Variants in SYT13 observed in about 807,000 individuals in gnomAD.
SYT13 encodes synaptotagmin-13.
Under a neutral mutation model 38.6 loss-of-function variants are expected in SYT13, and 21 were observed. The ratio of observed to expected loss-of-function variants is 0.54; its 90% CI spans 0.39 to 0.78. The LOEUF (loss-of-function observed/expected upper bound fraction) is 0.78, where lower values mean the gene tolerates loss of function less well. SYT13 is among the 30% of genes least tolerant of loss of function. The pLI is 0.00. For synonymous variants in SYT13, 241 were observed against 237.6 expected, an observed-to-expected ratio of 1.01 and a Z score of -0.13; for missense variants, 495 against 548.7, an observed-to-expected ratio of 0.90 and a Z score of 0.98.
chr11:45,257,131 C>T (rs764049149), intron 1 of SYT13, among the ~76,000 whole-genome samples: 1 of 152,154 alleles, frequency 6.6e-6, no homozygotes, highest in Non-Finnish European at 1.5e-5. Context: ...TCGCTTGGAA[C>T]GAAAGGGAAT....
intron 1 of SYT13, among the ~76,000 whole-genome samples, chr11:45,271,494 T>A (rs1762309324): frequency 6.6e-6 from 1 of 151,890 alleles, no homozygotes; most frequent in Admixed American, 6.6e-5. Context: ...TAGGACATGG[T>A]GAGTCAGCTG....
chr11:45,250,783 C>T lies in SYT13; in HGVS notation c.846+1638G>A, dbSNP rs566102103. 4.6e-5 allele frequency among the ~76,000 whole-genome samples: 7 copies of T among 152,184 alleles called. No individual in the cohort carries two copies. In the South Asian group the frequency reaches 1.2e-3, roughly 27 times the overall value. ...TCATAGCAAAAAGAGGAGCAGACAG[C>T]GGGTGAAACGTACTCTTCCCTCCTG... On this transcript the variant is annotated intron_variant, in intron 4 of 5. Coordinates refer to ENST00000020926, the MANE Select transcript of SYT13 (RefSeq NM_020826.3).
At chr11:45,276,521 T>C (rs941404136) in intron 1 of SYT13, among the ~76,000 whole-genome samples, 2 of 152,084 alleles carry the variant, frequency 1.3e-5, no homozygotes, top group Admixed American at 6.5e-5. Flanking sequence ...TCATGGCACA[T>C]GTATATCTAT....
At chr11:45,263,224 C>T (rs1242875902) in intron 1 of SYT13, among the ~76,000 whole-genome samples, 1 of 152,220 alleles carries the variant, frequency 6.6e-6, no homozygotes. Context: ...AGGTCCTATG[C>T]TAAGTGTTCA....
In SYT13 at chr11:45,255,727, G is replaced by T. The variant is rs373842515; in HGVS notation, c.348C>A (p.Pro116=). The change falls in exon 2 of 6, where the codon CCC becomes CCA. Residue 116 remains proline, a synonymous_variant. Transcript: ENST00000020926. ...GCCTCTTGAGGCGACTGTCATTCGGGGGTTGGGGGCTGGCAGGTGCAGTGG... is the reference window on the plus strand; with the variant it reads ...GCCTCTTGAGGCGACTGTCATTCGGTGGTTGGGGGCTGGCAGGTGCAGTGG... ...EEPTAPASPQ[P]PNDSRLKRQV... 1 of 1,614,102 alleles carries T rather than the reference G, an allele frequency of 6.2e-7. No homozygotes were observed. Among genetic ancestry groups the T allele is most frequent in the Admixed American group, 1.7e-5 (1 of 60,014 alleles).
rs933346745 is a variant in SYT13 at position 45,255,952 on chromosome 11, T to C, written c.184-61A>G. On this transcript the variant is annotated intron_variant, in intron 1 of 5. Coordinates refer to ENST00000020926, the MANE Select transcript of SYT13 (RefSeq NM_020826.3). ...GAGCCCTCTTGTCTGTTTCCCCCCA[T>C]GGAAGGGAGAAACGGTGAACTGACC... 3.2e-6 allele frequency: 5 copies of C among 1,551,054 alleles called. No homozygotes were observed. In the South Asian group the frequency reaches 5.6e-5, roughly 17 times the overall value.
intron 1 of SYT13, among the ~76,000 whole-genome samples, chr11:45,271,943 C>A (rs977921533): frequency 2.0e-5 from 3 of 152,174 alleles, no homozygotes; most frequent in Admixed American, 1.3e-4. Context: ...TGGAATCAAC[C>A]CAAGTGCCCA....
chr11:45,278,063 G>A (rs1238536413), intron 1 of SYT13, among the ~76,000 whole-genome samples: 3 of 152,094 alleles, frequency 2.0e-5, no homozygotes, highest in Non-Finnish European at 4.4e-5. Context: ...TTTTTCACCT[G>A]TTTTCCTTTA....
At position 45,242,683 on chromosome 11, in the gene SYT13, ATCAT is replaced by A. The variant is rs1427433070; in HGVS notation, c.*1365_*1368del. ...TTTTGAACACTATTTCATCTAGTAT[ATCAT>A]TCATTGGGGTAGGCTTCCTAGTCAT... On this transcript the variant is annotated 3_prime_UTR_variant, in exon 6 of 6. Transcript: ENST00000020926. 6.6e-6 allele frequency: 1 copy of A among 152,116 alleles called. No individual in the cohort carries two copies. The highest frequency in any genetic ancestry group is 2.4e-5 in the African/African-American group (1 of 41,420). The allele number at this position is 152,116 out of a possible 1,614,324, so 9.4% of individuals were successfully genotyped here.
chr11:45,245,383 A>G lies in SYT13; in HGVS notation c.976+1000T>C, dbSNP rs1590505553. Among the ~76,000 whole-genome samples the G allele has an allele frequency of 5.3e-5, 8 of 152,342 alleles. No homozygotes were observed. The South Asian group carries it at 1.7e-3, about 32-fold the overall frequency. ...AGAGAGTTGAGAGACGAAGTGTTGT[A>G]CTGTAATTGTCCTGACAGGAGCTAT... On this transcript the variant is annotated intron_variant, in intron 5 of 5. Coordinates refer to ENST00000020926, the MANE Select transcript of SYT13 (RefSeq NM_020826.3).
chr11:45,251,130 C>T (rs1286955975), intron 4 of SYT13, among the ~76,000 whole-genome samples: 1 of 152,036 alleles, frequency 6.6e-6, no homozygotes, highest in Non-Finnish European at 1.5e-5. Context: ...TGACTCATGC[C>T]TGTAATCCCA....
At chr11:45,265,937 G>A (rs1213570060) in intron 1 of SYT13, among the ~76,000 whole-genome samples, 1 of 152,218 alleles carries the variant, frequency 6.6e-6, no homozygotes, top group Non-Finnish European at 1.5e-5. Flanking sequence ...GGGGAGAATG[G>A]ACTGGGAAGA....
chr11:45,249,540 C>A (rs1854649260), intron 4 of SYT13, among the ~76,000 whole-genome samples: 2 of 152,200 alleles, frequency 1.3e-5, no homozygotes. Flanking sequence ...ATATGTGGCC[C>A]ATATACAGCA....
In SYT13 at chr11:45,246,454, T is replaced by A. The variant is rs1590506421; in HGVS notation, c.905A>T (p.Asn302Ile). The A allele has an allele frequency of 1.2e-6, 2 of 1,613,946 alleles. No individual in the cohort carries two copies. The highest frequency in any genetic ancestry group is 1.7e-6 in the Non-Finnish European group (2 of 1,180,014). The change falls in exon 5 of 6, where the codon AAC becomes ATC. Residue 302 changes from asparagine to isoleucine, a missense_variant. Coordinates refer to ENST00000020926, the MANE Select transcript of SYT13 (RefSeq NM_020826.3). ...LLSISYLPAA[N>I]RLLVVLIKAK... ...TTTAATCAGCACCACCAGGAGGCGG[T>A]TGGCAGCCGGGAGGTAGCTGATGGA...
chr11:45,260,899 T>A (rs965756083), intron 1 of SYT13, among the ~76,000 whole-genome samples: 5 of 152,148 alleles, frequency 3.3e-5, no homozygotes, highest in Admixed American at 3.3e-4. Flanking sequence ...GCCATGCCCC[T>A]CTTGCCTTCT....
At chr11:45,269,576 T>C in intron 1 of SYT13, 1 of 796,632 alleles carries the variant, frequency 1.3e-6, no homozygotes, top group African/African-American at 1.8e-5. Context: ...GCCTAATATT[T>C]TCTCTATTCT....
chr11:45,280,166 C>A (rs1255993798), intron 1 of SYT13, among the ~76,000 whole-genome samples: 3 of 152,128 alleles, frequency 2.0e-5, no homozygotes, highest in Non-Finnish European at 4.4e-5. Context: ...CTCACTCTTA[C>A]ATGTGTGAAT....
At chr11:45,273,538 T>A in intron 1 of SYT13, among the ~76,000 whole-genome samples, 1 of 151,792 alleles carries the variant, frequency 6.6e-6, no homozygotes, top group African/African-American at 2.4e-5. Context: ...CGGGGGAGCA[T>A]TTAGGGGGTT....
chr11:45,245,754 A>G (rs1163224750), intron 5 of SYT13, among the ~76,000 whole-genome samples: 3 of 152,192 alleles, frequency 2.0e-5, no homozygotes, highest in African/African-American at 7.2e-5. Context: ...GGTGTTGCAG[A>G]AAAGCTTATT....
Sources: allele counts gnomAD v4.1 joint callset (sites outside exome capture counted in the v4.1 genomes callset), GRCh38; gene constraint gnomAD v4.1.1; transcripts MANE v1.5; gene names NCBI Gene and HGNC (gene_info 2026-07-23, HGNC 2026-07-21).